The following BAHCC1 variants were observed in gnomAD, a reference collection of about 807,000 sequenced individuals.
BAHCC1 encodes BAH domain and coiled-coil containing 1, also known as BAH and coiled-coil domain-containing protein 1.
Under a neutral mutation model 88.2 loss-of-function variants are expected in BAHCC1, and 43 were observed. The observed-to-expected ratio is 0.49, with a 90% CI of 0.38 to 0.63. The LOEUF is 0.63. Among genes scored for constraint, BAHCC1 ranks in the 20% least tolerant of loss-of-function variants. BAHCC1 has a pLI of 0.00. For missense variants in BAHCC1, 3,023 were observed against 1,654.8 expected (o/e 1.83, Z -14.34); for synonymous variants, 1,510 against 745.5 (o/e 2.03, Z -16.71).
rs371913800 is a variant in BAHCC1 at position 81,442,471 on chromosome 17, C to A, written c.1122C>A (p.Asp374Glu). ...FPCLQLHGGP[D>E]GLCPLQDKAP... Reference sequence around the variant, plus strand: ...GCCTGCAGCTGCACGGGGGCCCTGACGGGCTCTGCCCGCTGCAGGACAAAG... The same window carrying A: ...GCCTGCAGCTGCACGGGGGCCCTGAAGGGCTCTGCCCGCTGCAGGACAAAG... The change falls in exon 5 of 28, where the codon GAC becomes GAA. Residue 374 changes from aspartate to glutamate, a missense_variant. Transcript: ENST00000675386. 1 of 720,412 alleles carries A rather than the reference C, an allele frequency of 1.4e-6. No individual in the cohort carries two copies. Among genetic ancestry groups the A allele is most frequent in the Admixed American group, 2.0e-5 (1 of 50,180 alleles). The allele number at this position is 720,412 out of a possible 1,614,324, so 44.6% of individuals were successfully genotyped here.
At chr17:81,462,368 C>G (rs2030374237) in intron 26 of BAHCC1, among the ~76,000 whole-genome samples, 1 of 152,208 alleles carries the variant, frequency 6.6e-6, no homozygotes. Flanking sequence ...GCTGTGTATC[C>G]CCGCACTCAG....
Position 81,435,853 on chromosome 17 carries a change from C to T in BAHCC1, c.359-2517C>T, listed in dbSNP as rs2064328258. Among the ~76,000 whole-genome samples the T allele has an allele frequency of 1.3e-5, 2 of 152,270 alleles. No homozygotes were observed. Among genetic ancestry groups the T allele is most frequent in the African/African-American group, 2.4e-5 (1 of 41,560 alleles). On this transcript the variant is annotated intron_variant, in intron 3 of 27. Transcript: ENST00000675386. The surrounding 1 kb of genome is among the most constrained non-coding windows in gnomAD (Gnocchi z 4.4). ...GCCCCTTCCAGGATGCCTGTGTGTC[C>T]CCGGCCCAGCCACAGCAGCCCTGCC...
At position 81,434,455 on chromosome 17, in the gene BAHCC1, C is replaced by T. The variant is rs1379657152; in HGVS notation, c.359-3915C>T. Among the ~76,000 whole-genome samples, 1 of 152,186 alleles carries T rather than the reference C, an allele frequency of 6.6e-6. No homozygotes were observed. The highest frequency in any genetic ancestry group is 1.5e-5 in the Non-Finnish European group (1 of 68,016). On this transcript the variant is annotated intron_variant, in intron 3 of 27. Transcript: ENST00000675386. The surrounding 1 kb of genome is among the most constrained non-coding windows in gnomAD (Gnocchi z 4.9). Reference sequence around the variant, plus strand: ...GGTGTCCGCTGTAGAAGGTTTTGTCCTCAAAGGCGTGCGGGCTGGGGCAGG... The same window carrying T: ...GGTGTCCGCTGTAGAAGGTTTTGTCTTCAAAGGCGTGCGGGCTGGGGCAGG...
rs1177858774 is a variant in BAHCC1 at position 81,399,691 on chromosome 17, G to C, written c.-49G>C. 2.0e-6 allele frequency: 2 copies of C among 998,114 alleles called. No individual in the cohort carries two copies. Among genetic ancestry groups the C allele is most frequent in the African/African-American group, 3.5e-5 (2 of 56,826 alleles). 61.8% of individuals were successfully genotyped at this position (998,114 alleles called of 1,614,324 possible). ...GCGCGCCGAGCCGCCCCCGGGCCCC[G>C]GCCGCGCTGCTCCGAGGAAGCGGCG... On this transcript the variant is annotated 5_prime_UTR_variant, in exon 2 of 28. Transcript: ENST00000675386. The surrounding 1 kb of genome is among the most constrained non-coding windows in gnomAD (Gnocchi z 4.5).
chr17:81,447,167 A>G lies in BAHCC1; in HGVS notation c.3295A>G (p.Arg1099Gly). The change falls in exon 11 of 28, where the codon AGG (arginine) becomes GGG (glycine). Residue 1099 changes from arginine (R) to glycine (G), a missense_variant. Coordinates refer to ENST00000675386, the MANE Select transcript of BAHCC1 (RefSeq NM_001377448.1). ...CCCGGGGGCCCAGCCTGAGCCCACA[A>G]GGACATTCCTGCCTGGGGAGCCGCC... ...TAPGAQPEPTRTFLPGEPPPC... is the reference protein window; with the variant it reads ...TAPGAQPEPTGTFLPGEPPPC... The G allele has an allele frequency of 2.6e-6, 2 of 775,884 alleles. No homozygotes were observed. The highest frequency in any genetic ancestry group is 2.7e-5 in the South Asian group (2 of 74,310). The allele number at this position is 775,884 out of a possible 1,614,324, so 48.1% of individuals were successfully genotyped here.
chr17:81,430,961 A>T (rs952584152), intron 3 of BAHCC1, among the ~76,000 whole-genome samples: 33 of 141,664 alleles, frequency 2.3e-4, no homozygotes, highest in African/African-American at 7.8e-4. Flanking sequence ...CTCCGCTGGG[A>T]TGCGAGGGAC....
At chr17:81,446,414 A>G (rs962488041) in intron 10 of BAHCC1, among the ~76,000 whole-genome samples, 1 of 149,908 alleles carries the variant, frequency 6.7e-6, no homozygotes, top group Admixed American at 6.6e-5. Flanking sequence ...ACAGCATACC[A>G]TGCCAGAGAT....
At chr17:81,431,186 G>A (rs1004170873) in intron 3 of BAHCC1, among the ~76,000 whole-genome samples, 70 of 152,202 alleles carry the variant, frequency 4.6e-4, no homozygotes, top group African/African-American at 1.4e-3. Flanking sequence ...TCCCCCCTCC[G>A]GAGGTGTCCT....
rs781995870 is a variant in BAHCC1 at position 81,459,295 on chromosome 17, G to A, written c.5763G>A (p.Arg1921=). The A allele has an allele frequency of 1.3e-6, 1 of 779,410 alleles. No homozygotes were observed. Among genetic ancestry groups the A allele is most frequent in the South Asian group, 1.3e-5 (1 of 74,600 alleles). The allele number at this position is 779,410 out of a possible 1,614,324, so 48.3% of individuals were successfully genotyped here. A position where few individuals can be genotyped will look rare whatever the true frequency, so the allele number is the denominator to read the frequency against. The part of the protein sequence containing the change: ...VIEGERGNRQ[R]IYSLEQLLQE... The stretch of plus-strand genomic sequence containing the variant: ...AGGGCGAGAGGGGCAACCGGCAGAG[G>A]ATCTACTCACTGGAGCAGCTGCTGC... The change falls in exon 22 of 28, where the codon AGG becomes AGA. Residue 1921 remains arginine (R), a synonymous_variant. Transcript: ENST00000675386.
intron 25 of BAHCC1, 53 bp downstream of exon 25, chr17:81,460,759 C>T (rs1598515874): frequency 1.3e-6 from 1 of 776,038 alleles, no homozygotes; most frequent in East Asian, 2.4e-5. Flanking sequence ...CCTCTGGGGG[C>T]TGGGGGAACC....
rs1227373219 is a variant in BAHCC1 at position 81,411,246 on chromosome 17, G to A, written c.178+11329G>A. 2 of 503,902 alleles carry A rather than the reference G, an allele frequency of 4.0e-6. No individual in the cohort carries two copies. The highest frequency in any genetic ancestry group is 3.9e-5 in the African/African-American group (2 of 51,622). The allele number at this position is 503,902 out of a possible 1,614,324, so 31.2% of individuals were successfully genotyped here. On this transcript the variant is annotated intron_variant, in intron 2 of 27. Coordinates refer to ENST00000675386, the MANE Select transcript of BAHCC1 (RefSeq NM_001377448.1). This position sits in a 1 kb window ranked among gnomAD's most constrained non-coding sequence, Gnocchi z 6.2. ...GCCCCAGGAGGACTCGCCACCCCCA[G>A]TTGAGCAGCTCCCCTTCTCGGCAGC...
chr17:81,433,407 T>C (rs1181532270), intron 3 of BAHCC1, among the ~76,000 whole-genome samples: 1 of 152,062 alleles, frequency 6.6e-6, no homozygotes, highest in African/African-American at 2.4e-5. Context: ...GAACTGCCCA[T>C]AGCTGCAGTC....
intron 2 of BAHCC1, among the ~76,000 whole-genome samples, chr17:81,404,122 C>A (rs1413137946): frequency 6.6e-6 from 1 of 152,148 alleles, no homozygotes; most frequent in Non-Finnish European, 1.5e-5. Context: ...GTTCAACAGC[C>A]CCCACAGACA....
chr17:81,443,279 C>T lies in BAHCC1; in HGVS notation c.1930C>T (p.Leu644=), dbSNP rs1555653239. The T allele has an allele frequency of 1.3e-6, 1 of 779,536 alleles. No individual in the cohort carries two copies. The highest frequency in any genetic ancestry group is 1.3e-5 in the South Asian group (1 of 74,630). 48.3% of individuals were successfully genotyped at this position (779,536 alleles called of 1,614,324 possible). A position where few individuals can be genotyped will look rare whatever the true frequency, so the allele number is the denominator to read the frequency against. ...CCTGCTCAAATACAGCAGCCAGGCC[C>T]TGGTGGTGGGCCAGAAAGCACCCTT... The part of the protein sequence containing the change: ...KNLLKYSSQA[L]VVGQKAPLVG... The change falls in exon 5 of 28, where the codon CTG becomes TTG. Residue 644 remains leucine (L), a synonymous_variant. Transcript: ENST00000675386.
chr17:81,446,969 G>A (rs1334521762), intron 10 of BAHCC1, 67 bp from the exon 11 acceptor site: 14 of 765,578 alleles, frequency 1.8e-5, no homozygotes, highest in Admixed American at 1.0e-4. Flanking sequence ...ACTGTCCTCC[G>A]TCCTATCGCA....
intron 2 of BAHCC1, among the ~76,000 whole-genome samples, chr17:81,426,104 G>T (rs2064193290): frequency 1.4e-5 from 2 of 143,996 alleles, no homozygotes; most frequent in Admixed American, 7.0e-5. Context: ...TGATAGTGGT[G>T]GGTGATGTGG....
In BAHCC1 at chr17:81,442,766, A is replaced by G; in HGVS notation, c.1417A>G (p.Ser473Gly). 1.3e-6 allele frequency: 1 copy of G among 779,398 alleles called. No individual in the cohort carries two copies. The highest frequency in any genetic ancestry group is 2.4e-6 in the Non-Finnish European group (1 of 417,846). 48.3% of individuals were successfully genotyped at this position (779,398 alleles called of 1,614,324 possible). A position where few individuals can be genotyped will look rare whatever the true frequency, so the allele number is the denominator to read the frequency against. The change falls in exon 5 of 28, where the codon AGC becomes GGC. Residue 473 changes from serine (S) to glycine (G), a missense_variant. By Grantham distance (56) the Ser-to-Gly change is moderately conservative. Transcript: ENST00000675386. ...GCTAAAGGGCCTCGACTATCTCAGCAGCGCAGGCCCCGAGGCCTCCTTCCC... is the reference window on the plus strand; with the variant it reads ...GCTAAAGGGCCTCGACTATCTCAGCGGCGCAGGCCCCGAGGCCTCCTTCCC... Reference protein sequence around the residue: ...PRLKGLDYLSSAGPEASFPGL... With the variant: ...PRLKGLDYLSGAGPEASFPGL...
rs782485542 is a variant in BAHCC1, at chr17:81,443,028, T to C, written c.1679T>C (p.Ile560Thr). The change falls in exon 5 of 28, where the codon ATT becomes ACT. Residue 560 changes from isoleucine to threonine, a missense_variant. Ile to Thr is a moderately conservative substitution (Grantham distance 89). Coordinates refer to ENST00000675386, the MANE Select transcript of BAHCC1 (RefSeq NM_001377448.1). ...GCCGCCGAGGTGGAGCAGGGGGGCATTGGGGCTGAGGCCAAGCGCAAGTCC... is the reference window on the plus strand; with the variant it reads ...GCCGCCGAGGTGGAGCAGGGGGGCACTGGGGCTGAGGCCAAGCGCAAGTCC... ...LMAAEVEQGGIGAEAKRKSLE... is the reference protein window; with the variant it reads ...LMAAEVEQGGTGAEAKRKSLE... 1 of 778,440 alleles carries C rather than the reference T, an allele frequency of 1.3e-6. No individual in the cohort carries two copies. 48.2% of individuals were successfully genotyped at this position (778,440 alleles called of 1,614,324 possible).
At chr17:81,406,182 G>C (rs888454751) in intron 2 of BAHCC1, among the ~76,000 whole-genome samples, 1 of 152,214 alleles carries the variant, frequency 6.6e-6, no homozygotes, top group African/African-American at 2.4e-5. Context: ...CCTGAGGAGG[G>C]AGGCAGGCTC....
Sources: gnomAD v4.1 joint callset for allele counts (sites outside exome capture counted in the v4.1 genomes callset) on GRCh38, gnomAD v4.1.1 for gene constraint, Gnocchi (gnomAD v3.1) non-coding constraint, MANE v1.5 for transcripts, NCBI Gene and HGNC (gene_info 2026-07-23, HGNC 2026-07-21) for gene names.